LEMD3: variants seen among roughly 807,000 people sequenced by gnomAD.
The protein encoded by LEMD3 is inner nuclear membrane protein Man1.
A neutral mutation model predicts 95.2 loss-of-function variants in LEMD3; 33 were observed. The ratio of observed to expected loss-of-function variants is 0.35; its 90% CI spans 0.26 to 0.46. The LOEUF (loss-of-function observed/expected upper bound fraction) is 0.46. LEMD3 is among the 20% of genes least tolerant of loss of function. The pLI is 1.00. For synonymous variants in LEMD3, 525 were observed against 474.6 expected, an observed-to-expected ratio of 1.11 and a Z score of -1.38; for missense variants, 1,210 against 1,192.8, an observed-to-expected ratio of 1.01 and a Z score of -0.21.
At chr12:65,211,757 G>A (rs1869945198) in intron 2 of LEMD3, among the ~76,000 whole-genome samples, 1 of 152,110 alleles carries the variant, frequency 6.6e-6, no homozygotes, top group Non-Finnish European at 1.5e-5. Flanking sequence ...TTTTTCAGTT[G>A]CCTTAAGTAT....
chr12:65,200,219 G>A (rs1869556974), intron 1 of LEMD3, among the ~76,000 whole-genome samples: 1 of 152,028 alleles, frequency 6.6e-6, no homozygotes, highest in African/African-American at 2.4e-5. Flanking sequence ...CAATCAGACT[G>A]GTTGTGACCC....
At chr12:65,234,366 A>T (rs1177100432) in intron 4 of LEMD3, among the ~76,000 whole-genome samples, 1 of 152,234 alleles carries the variant, frequency 6.6e-6, no homozygotes, top group Admixed American at 6.5e-5. Context: ...GTGAATAATA[A>T]AACAGTTTAA....
In LEMD3 at chr12:65,170,093, A is replaced by C. The variant is rs1868471847; in HGVS notation, c.497A>C (p.Gln166Pro). The C allele has an allele frequency of 1.4e-6, 2 of 1,471,856 alleles. No homozygotes were observed. Among genetic ancestry groups the C allele is most frequent in the Non-Finnish European group, 1.8e-6 (2 of 1,120,594 alleles). 91.2% of individuals were successfully genotyped at this position (1,471,856 alleles called of 1,614,324 possible). ...GGGAGGAAAGACCGGGCTTCGCTCC[A>C]GTACCGCGGGCTCAAAGCGCCGCCG... ...GGGRKDRASL[Q>P]YRGLKAPPAP... Residue 166 changes from glutamine to proline, a missense_variant, in exon 1 of 13, where the codon CAG becomes CCG. Physicochemically the swap from Gln to Pro is moderately conservative, Grantham distance 76. This residue lies in a region of LEMD3 where 749 missense variants were observed against 622.9 expected (regional missense o/e 1.20). Coordinates refer to ENST00000308330, the MANE Select transcript of LEMD3 (RefSeq NM_014319.5).
intron 1 of LEMD3, among the ~76,000 whole-genome samples, chr12:65,187,328 T>G (rs76535382): frequency 6.6e-6 from 1 of 152,206 alleles, no homozygotes; most frequent in East Asian, 1.9e-4. Context: ...ACAATTCAAT[T>G]CAAGGGATTC....
chr12:65,210,572 T>C (rs777539380), intron 1 of LEMD3, among the ~76,000 whole-genome samples: 5 of 152,274 alleles, frequency 3.3e-5, no homozygotes, highest in South Asian at 2.1e-4. Flanking sequence ...ATCATTGTTA[T>C]CCATACTCCT....
intron 4 of LEMD3, among the ~76,000 whole-genome samples, chr12:65,238,085 A>G (rs1199546345): frequency 1.3e-5 from 2 of 152,180 alleles, no homozygotes; most frequent in Non-Finnish European, 2.9e-5. Flanking sequence ...CCTGGCCAGC[A>G]TGGTGAAACC....
intron 4 of LEMD3, among the ~76,000 whole-genome samples, chr12:65,221,511 A>G (rs1350195227): frequency 6.6e-6 from 1 of 151,904 alleles, no homozygotes; most frequent in Non-Finnish European, 1.5e-5. Flanking sequence ...ATGAGCCACC[A>G]CACCCAGCCA....
At chr12:65,232,173 T>C (rs1302554889) in intron 4 of LEMD3, among the ~76,000 whole-genome samples, 1 of 152,190 alleles carries the variant, frequency 6.6e-6, no homozygotes, top group African/African-American at 2.4e-5. Flanking sequence ...CAAAATTCTC[T>C]ATGTTATTTT....
At chr12:65,217,660 G>A (rs1295411980) in intron 3 of LEMD3, among the ~76,000 whole-genome samples, 2 of 152,130 alleles carry the variant, frequency 1.3e-5, no homozygotes, top group Non-Finnish European at 1.5e-5. Flanking sequence ...ACCACTTATA[G>A]TCTAAAGAAA....
intron 3 of LEMD3, 103 bp downstream of exon 3, chr12:65,216,146 A>C (rs1252682016): frequency 1.3e-6 from 1 of 785,340 alleles, no homozygotes; most frequent in African/African-American, 1.7e-5. Flanking sequence ...ATATTTGTGA[A>C]ATATTTTTCT....
At chr12:65,194,888 AAATTAAAATAAAATAATTATTAAATT>A (rs1869378959) in intron 1 of LEMD3, among the ~76,000 whole-genome samples, 151 of 69,252 alleles carry the variant, frequency 2.2e-3, no homozygotes, top group East Asian at 3.9e-3. Flanking sequence ...ATAATTTATA[AAATTAAAATAAAATAATTATTAAATT>A]ATTATAATCT....
intron 1 of LEMD3, among the ~76,000 whole-genome samples, chr12:65,191,478 A>G (rs970669695): frequency 6.6e-6 from 1 of 152,186 alleles, no homozygotes; most frequent in Admixed American, 6.5e-5. Flanking sequence ...TAACTCAAGG[A>G]AAGTTAAACA....
At chr12:65,238,924 A>T in intron 6 of LEMD3, 110 bp downstream of exon 6, 2 of 958,944 alleles carry the variant, frequency 2.1e-6, no homozygotes, top group African/African-American at 3.2e-5. Context: ...CACATAAGTC[A>T]CAGCTAGATG....
chr12:65,209,984 A>C (rs1438180127), intron 1 of LEMD3, among the ~76,000 whole-genome samples: 1 of 152,126 alleles, frequency 6.6e-6, no homozygotes, highest in African/African-American at 2.4e-5. Context: ...AAAATATAAA[A>C]GTTTACAGGT....
At chr12:65,207,399 A>G (rs937125401) in intron 1 of LEMD3, among the ~76,000 whole-genome samples, 1 of 152,066 alleles carries the variant, frequency 6.6e-6, no homozygotes, top group Non-Finnish European at 1.5e-5. Flanking sequence ...TATTGAAATC[A>G]TGATAAAAGG....
chr12:65,200,643 T>G (rs1869570959), intron 1 of LEMD3, among the ~76,000 whole-genome samples: 1 of 152,220 alleles, frequency 6.6e-6, no homozygotes. Flanking sequence ...GAGATGTCTG[T>G]TAAGTTCTTT....
chr12:65,207,153 C>T lies in LEMD3; in HGVS notation c.1523-3773C>T, dbSNP rs11175675. On this transcript the variant is annotated intron_variant, in intron 1 of 12. Transcript: ENST00000308330. ...CATGGCAGCAGCATTATTCCTGGCG[C>T]GTATTAGGAACTCAGTAAACATAAT... Among the ~76,000 whole-genome samples the T allele has an allele frequency of 0.015, 2,335 of 152,120 alleles. 90 individuals are homozygous for T. The East Asian group carries it at 0.17, about 11-fold the overall frequency.
chr12:65,234,358 GAAT>G (rs1397341798), intron 4 of LEMD3, among the ~76,000 whole-genome samples: 13 of 152,152 alleles, frequency 8.5e-5, no homozygotes, highest in Non-Finnish European at 1.8e-4. Context: ...TACAAAAAGT[GAAT>G]AATAAAACAG....
intron 10 of LEMD3, among the ~76,000 whole-genome samples, chr12:65,244,111 C>G (rs1190431178): frequency 6.6e-6 from 1 of 152,128 alleles, no homozygotes. Context: ...AGATCAAATT[C>G]TGTTTGTTTT....
Sources: gnomAD v4.1 joint callset for allele counts (sites outside exome capture counted in the v4.1 genomes callset) on GRCh38, gnomAD v4.1.1 for gene constraint, gnomAD v4.1.1 regional missense constraint, MANE v1.5 for transcripts, NCBI Gene and HGNC (gene_info 2026-07-23, HGNC 2026-07-21) for gene names.